The following DPF3 variants were observed in gnomAD, a reference collection of about 807,000 sequenced individuals.
DPF3 encodes the protein double PHD fingers 3, also known as zinc finger protein DPF3.
In DPF3, 18 loss-of-function variants were observed where a neutral mutation model predicts 56.8. The ratio of observed to expected loss-of-function variants is 0.32; its 90% CI spans 0.22 to 0.47. The LOEUF is 0.47. DPF3 is among the 20% of genes least tolerant of loss of function. DPF3 has a pLI of 1.00. For missense variants in DPF3, 403 were observed against 488.8 expected (o/e 0.82, Z 1.65); for synonymous variants, 188 against 180.2 (o/e 1.04, Z -0.35).
intron 1 of DPF3, among the ~76,000 whole-genome samples, chr14:72,796,402 C>T (rs993667331): frequency 6.6e-6 from 1 of 152,120 alleles, no homozygotes; most frequent in Non-Finnish European, 1.5e-5. Context: ...ACTCAGGAGG[C>T]TGAGGTGGAA....
intron 4 of DPF3, among the ~76,000 whole-genome samples, chr14:72,726,592 A>C (rs1326493469): frequency 6.6e-6 from 1 of 152,158 alleles, no homozygotes; most frequent in Non-Finnish European, 1.5e-5. Context: ...GCCTCTCGAC[A>C]TAATTCAGGA....
intron 2 of DPF3, among the ~76,000 whole-genome samples, chr14:72,755,308 G>A (rs147423970): frequency 1.2e-4 from 18 of 152,250 alleles, no homozygotes; most frequent in South Asian, 1.0e-3. Context: ...GGTGGTCAGC[G>A]GTACCAGAGA....
chr14:72,723,736 G>GC lies in DPF3; in HGVS notation c.430-9_430-8insG. The GC allele has an allele frequency of 2.2e-6, 3 of 1,342,728 alleles. No homozygotes were observed. Among genetic ancestry groups the GC allele is most frequent in the Non-Finnish European group, 3.0e-6 (3 of 998,434 alleles). 83.2% of individuals were successfully genotyped at this position (1,342,728 alleles called of 1,614,324 possible). ...ATCATTTTCCAAAACCCTCTGAAAT[G>GC]AAAAAAAAAAATAGAAAAGGTGAGA... is the stretch of plus-strand genomic sequence containing the variant. On this transcript the variant is annotated splice_polypyrimidine_tract_variant and intron_variant, in intron 4 of 10. Transcript: ENST00000556509.
At chr14:72,764,640 C>A (rs1891201162) in intron 2 of DPF3, among the ~76,000 whole-genome samples, 1 of 151,948 alleles carries the variant, frequency 6.6e-6, no homozygotes, top group South Asian at 2.1e-4. Context: ...AGGCGCCCAC[C>A]ACGCCCAGCT....
chr14:72,809,846 G>T (rs1341770502), intron 1 of DPF3, among the ~76,000 whole-genome samples: 3 of 152,182 alleles, frequency 2.0e-5, no homozygotes, highest in Admixed American at 1.3e-4. Context: ...GGAACTAGAG[G>T]TTCTAGAAGC....
intron 8 of DPF3, among the ~76,000 whole-genome samples, chr14:72,644,364 T>C (rs933496626): frequency 2.6e-5 from 4 of 152,230 alleles, no homozygotes; most frequent in Non-Finnish European, 5.9e-5. Flanking sequence ...GGCCAAATTT[T>C]CATCTAAGAT....
chr14:72,647,401 C>T (rs1419993813), intron 8 of DPF3, among the ~76,000 whole-genome samples: 3 of 152,158 alleles, frequency 2.0e-5, no homozygotes, highest in African/African-American at 2.4e-5. Context: ...GCTGTCTTCC[C>T]GATAGCAATT....
At chr14:72,849,570 T>C (rs934379328) in intron 1 of DPF3, among the ~76,000 whole-genome samples, 2 of 152,172 alleles carry the variant, frequency 1.3e-5, no homozygotes, top group Non-Finnish European at 1.5e-5. Context: ...GACCTGCCCG[T>C]CTGGCCTGGT....
chr14:72,620,137 C>T lies in DPF3; in HGVS notation c.985-153G>A, dbSNP rs555436932. ...TGGAGTCCTCACTGTCCCCTGAACACGCCTGTGCTTTTCCCACAACTGGAG... is the reference window on the plus strand; with the variant it reads ...TGGAGTCCTCACTGTCCCCTGAACATGCCTGTGCTTTTCCCACAACTGGAG... On this transcript the variant is annotated intron_variant, in intron 9 of 10. Transcript: ENST00000556509. Among the ~76,000 whole-genome samples the T allele has an allele frequency of 5.9e-5, 9 of 152,258 alleles. No individual in the cohort carries two copies. The East Asian group carries it at 9.7e-4, about 16-fold the overall frequency.
In DPF3 at chr14:72,693,065, T is replaced by C. The variant is rs745480910; in HGVS notation, c.742+11A>G. On this transcript the variant is annotated intron_variant, in intron 7 of 10. Coordinates refer to ENST00000556509, the MANE Select transcript of DPF3 (RefSeq NM_001280542.3). ...TTCTTCACTGCCCCAACCTAACAAG[T>C]AGGCACTCACGCCTGTGGTTCTCAT... 2.5e-6 allele frequency: 4 copies of C among 1,613,760 alleles called. No individual in the cohort carries two copies. In the East Asian group the frequency reaches 6.7e-5, roughly 27 times the overall value.
chr14:72,661,983 G>A, intron 8 of DPF3: 2 of 983,232 alleles, frequency 2.0e-6, no homozygotes, highest in South Asian at 4.7e-5. Context: ...CATCAGACAT[G>A]ATAACTAGGA....
intron 2 of DPF3, among the ~76,000 whole-genome samples, chr14:72,759,304 A>G (rs1271742080): frequency 1.3e-5 from 2 of 152,348 alleles, no homozygotes; most frequent in African/African-American, 4.8e-5. Flanking sequence ...GGCATAAATG[A>G]GCTGTGGGGC....
At chr14:72,830,360 A>C (rs1359873724) in intron 1 of DPF3, among the ~76,000 whole-genome samples, 2 of 152,200 alleles carry the variant, frequency 1.3e-5, no homozygotes, top group Admixed American at 1.3e-4. Flanking sequence ...ATCCAGTTAC[A>C]CTGTCCTTAT....
intron 4 of DPF3, among the ~76,000 whole-genome samples, chr14:72,727,035 A>G (rs1003144680): frequency 3.3e-5 from 5 of 152,130 alleles, no homozygotes; most frequent in African/African-American, 1.2e-4. Flanking sequence ...CCTTCTTTAT[A>G]TCACATGGAA....
intron 1 of DPF3, among the ~76,000 whole-genome samples, chr14:72,823,204 C>A (rs924808550): frequency 2.0e-5 from 3 of 152,360 alleles, no homozygotes; most frequent in Non-Finnish European, 4.4e-5. Flanking sequence ...TGGTCTAAAT[C>A]TGCTCACCCA....
At chr14:72,622,272 T>C (rs553617502) in intron 9 of DPF3, among the ~76,000 whole-genome samples, 3 of 152,266 alleles carry the variant, frequency 2.0e-5, no homozygotes, top group Admixed American at 1.3e-4. Flanking sequence ...AGAAGTACAC[T>C]TGGGGTACTC....
Position 72,670,211 on chromosome 14 carries a change from C to G in DPF3, c.871+4029G>C. On this transcript the variant is annotated intron_variant, in intron 8 of 10. Transcript: ENST00000556509. ...AACACACGATGATGTCTCCTTCTAT[C>G]TTCCAGAAGCACGGCCTCGGCCTCG... is the stretch of plus-strand genomic sequence containing the variant. 4.1e-6 allele frequency: 4 copies of G among 986,004 alleles called. No homozygotes were observed. In the South Asian group the frequency reaches 1.9e-4, roughly 46 times the overall value. The allele number at this position is 986,004 out of a possible 1,614,324, so 61.1% of individuals were successfully genotyped here.
intron 1 of DPF3, chr14:72,892,050 G>A: frequency 1.4e-6 from 2 of 1,419,604 alleles, no homozygotes; most frequent in African/African-American, 1.4e-5. Context: ...AAACCCTGGA[G>A]CGAGTAGGGG....
chr14:72,736,363 T>C (rs898720897), intron 3 of DPF3, among the ~76,000 whole-genome samples: 7 of 152,246 alleles, frequency 4.6e-5, no homozygotes, highest in African/African-American at 1.7e-4. Context: ...CCAGCTACCA[T>C]AATGGACAGT....
Sources: gnomAD v4.1 joint callset for allele counts (sites outside exome capture counted in the v4.1 genomes callset) on GRCh38, gnomAD v4.1.1 for gene constraint, MANE v1.5 for transcripts, NCBI Gene and HGNC (gene_info 2026-07-23, HGNC 2026-07-21) for gene names.